The following ZNF529 variants were observed in gnomAD, a reference collection of about 807,000 sequenced individuals.
The protein encoded by ZNF529 is zinc finger protein 529.
Under a neutral mutation model 10.1 loss-of-function variants are expected in ZNF529, and 11 were observed. The ratio of observed to expected loss-of-function variants is 1.09; its 90% CI spans 0.69 to 1.81. The LOEUF (loss-of-function observed/expected upper bound fraction) is 1.81, where lower values mean the gene tolerates loss of function less well. Ranked by LOEUF, ZNF529 falls within the 40% of genes most tolerant of loss-of-function variation. The pLI is 0.00. For missense variants in ZNF529, 624 were observed against 666.8 expected (o/e 0.94, Z 0.71); for synonymous variants, 204 against 215.7 (o/e 0.95, Z 0.47).
upstream of ZNF529, chr19:36,573,700 C>A (rs2036236418): frequency 6.0e-6 from 2 of 332,170 alleles, no homozygotes; most frequent in African/African-American, 2.2e-5. Flanking sequence ...GAGTCGCGGA[C>A]CCGGCTGCTC....
intron 4 of ZNF529, among the ~76,000 whole-genome samples, 171 bp downstream of exon 4, chr19:36,554,499 A>C (rs976005731): frequency 1.3e-5 from 2 of 152,054 alleles, no homozygotes; most frequent in Admixed American, 6.6e-5. Context: ...AATCACTTGA[A>C]CCCGGGAGGC....
chr19:36,549,551 T>C (rs2035182103), intron 4 of ZNF529, among the ~76,000 whole-genome samples: 1 of 152,240 alleles, frequency 6.6e-6, no homozygotes, highest in Non-Finnish European at 1.5e-5. Context: ...TGATTACATA[T>C]GTATATTTAT....
At chr19:36,598,698 T>C (rs2036878533) in intron 1 of ZNF529, among the ~76,000 whole-genome samples, 1 of 152,104 alleles carries the variant, frequency 6.6e-6, no homozygotes, top group African/African-American at 2.4e-5. Context: ...ACCTTGTACC[T>C]CACAGAGTTG....
At chr19:36,552,032 C>G (rs2035279499) in intron 4 of ZNF529, 1 of 152,108 alleles carries the variant, frequency 6.6e-6, no homozygotes, top group Non-Finnish European at 1.5e-5. Flanking sequence ...TATATACATA[C>G]ATAAGTCTAA....
At chr19:36,573,458 A>T, upstream of ZNF529, 1 of 471,010 alleles carries the variant, frequency 2.1e-6, no homozygotes. Flanking sequence ...GACCCTTGCC[A>T]TCAGCAGAGG....
chr19:36,597,974 T>C (rs1456104411), intron 1 of ZNF529, among the ~76,000 whole-genome samples: 1 of 152,198 alleles, frequency 6.6e-6, no homozygotes, highest in East Asian at 1.9e-4. Flanking sequence ...GGCTGCAATC[T>C]GTTCACCCAC....
chr19:36,548,265 TTTTGAATAA>T lies in ZNF529; in HGVS notation c.284_292del (p.Ile95_Gln97del), dbSNP rs1453353211. The T allele has an allele frequency of 9.9e-6, 16 of 1,612,008 alleles. No homozygotes were observed. Among genetic ancestry groups the T allele is most frequent in the Admixed American group, 1.7e-5 (1 of 59,618 alleles). On this transcript the variant is annotated inframe_deletion, in exon 5 of 5. Transcript: ENST00000591340. ...CATTACCTCCCACTGAGAACCAGTG[TTTTGAATAA>T]TATCTTTTCCTACAGATAAATGCTT...
At chr19:36,574,593 T>C (rs1447630830), upstream of ZNF529, among the ~76,000 whole-genome samples, 1 of 152,170 alleles carries the variant, frequency 6.6e-6, no homozygotes, top group Non-Finnish European at 1.5e-5. Context: ...CACCGGAGTT[T>C]GCTGGTGTCC....
chr19:36,586,998 C>T (rs1247547711), intron 2 of ZNF529, among the ~76,000 whole-genome samples: 1 of 152,190 alleles, frequency 6.6e-6, no homozygotes, highest in Non-Finnish European at 1.5e-5. Context: ...GGCGTGGTGG[C>T]TCACGCCGGT....
chr19:36,556,217 A>G lies in ZNF529; in HGVS notation c.15-20T>C. The G allele has an allele frequency of 1.1e-6, 1 of 905,476 alleles. No homozygotes were observed. The highest frequency in any genetic ancestry group is 1.8e-6 in the Non-Finnish European group (1 of 556,542). 56.1% of individuals were successfully genotyped at this position (905,476 alleles called of 1,614,324 possible). A position where few individuals can be genotyped will look rare whatever the true frequency, so the allele number is the denominator to read the frequency against. ...ATGAAACTGTAAAAATTATTTTTTA[A>G]GAAAGAACCACCATTAAAAGTCTCT... On this transcript the variant is annotated intron_variant, in intron 2 of 4. Transcript: ENST00000591340.
chr19:36,573,106 ACAC>A (rs758196751), intron 1 of ZNF529, 31 bp downstream of exon 1: 9 of 230,352 alleles, frequency 3.9e-5, no homozygotes, highest in East Asian at 2.1e-4. Flanking sequence ...TCACACACAC[ACAC>A]CACAATGACG....
At chr19:36,563,429 A>G (rs1241249009) in intron 2 of ZNF529, among the ~76,000 whole-genome samples, 1 of 152,098 alleles carries the variant, frequency 6.6e-6, no homozygotes, top group Non-Finnish European at 1.5e-5. Context: ...TCTCAAAAAA[A>G]AAAAAAAGTT....
rs2035007486 is a variant in ZNF529 at position 36,546,105 on chromosome 19, G to A, written c.*761C>T. The A allele has an allele frequency of 7.2e-6, 1 of 139,084 alleles. No individual in the cohort carries two copies. Among genetic ancestry groups the A allele is most frequent in the Admixed American group, 7.2e-5 (1 of 13,816 alleles). 8.6% of individuals were successfully genotyped at this position (139,084 alleles called of 1,614,324 possible). A position where few individuals can be genotyped will look rare whatever the true frequency, so the allele number is the denominator to read the frequency against. ...TAGTGTGTTATGTAGTGCATGTGTG[G>A]GCATATATAGTATACATCACACACA... On this transcript the variant is annotated 3_prime_UTR_variant, in exon 5 of 5. Coordinates refer to ENST00000591340, the MANE Select transcript of ZNF529 (RefSeq NM_020951.5).
chr19:36,556,429 A>G (rs1385332299), intron 2 of ZNF529, among the ~76,000 whole-genome samples: 6 of 152,186 alleles, frequency 3.9e-5, no homozygotes, highest in Non-Finnish European at 8.8e-5. Flanking sequence ...CTTCTTCACC[A>G]CTTCTCAACC....
At chr19:36,572,805 G>GTTT (rs1278217177) in intron 1 of ZNF529, among the ~76,000 whole-genome samples, 2 of 151,890 alleles carry the variant, frequency 1.3e-5, no homozygotes, top group Non-Finnish European at 2.9e-5. Context: ...ATGCGTGTGT[G>GTTT]TGTGTGTATA....
chr19:36,580,263 T>C (rs1459356743), intron 2 of ZNF529: 1 of 14,528 alleles, frequency 6.9e-5, no homozygotes, highest in Non-Finnish European at 1.5e-4. Context: ...TTACAGTTAC[T>C]TTTTTTTTTT....
At chr19:36,565,345 A>G (rs1305849110) in intron 2 of ZNF529, among the ~76,000 whole-genome samples, 1 of 152,184 alleles carries the variant, frequency 6.6e-6, no homozygotes, top group Non-Finnish European at 1.5e-5. Flanking sequence ...ATAATAGAAA[A>G]GCTAAGGGAG....
chr19:36,593,458 T>C (rs2036772164), intron 1 of ZNF529, among the ~76,000 whole-genome samples: 1 of 152,204 alleles, frequency 6.6e-6, no homozygotes, highest in Non-Finnish European at 1.5e-5. Context: ...CATGAGCCAC[T>C]GTGCCTGGAT....
intron 3 of ZNF529, 62 bp downstream of exon 3, chr19:36,556,042 T>C: frequency 6.6e-7 from 1 of 1,514,894 alleles, no homozygotes; most frequent in Non-Finnish European, 9.0e-7. Flanking sequence ...TTGACAGAGG[T>C]GTTTGGTAGG....
Sources: allele counts gnomAD v4.1 joint callset (sites outside exome capture counted in the v4.1 genomes callset), GRCh38; gene constraint gnomAD v4.1.1; transcripts MANE v1.5; gene names NCBI Gene and HGNC (gene_info 2026-07-23, HGNC 2026-07-21).